FMNL2: variants seen among roughly 807,000 people sequenced by gnomAD.
FMNL2 encodes the protein formin like 2, also known as formin-like protein 2.
In FMNL2, 51 loss-of-function variants were observed where a neutral mutation model predicts 130.2. The observed-to-expected ratio is 0.39, with a 90% CI of 0.31 to 0.49. The LOEUF is 0.49. Ranked by LOEUF, FMNL2 falls within the 20% of genes least tolerant of loss-of-function variation. The probability of loss-of-function intolerance (pLI) is 0.85; values close to 1 mark genes in which losing one functional copy is unlikely to be tolerated. For synonymous variants in FMNL2, 465 were observed against 467.1 expected (o/e 1.00, Z 0.06); for missense variants, 977 against 1,316.2 (o/e 0.74, Z 3.99).
intron 25 of FMNL2, among the ~76,000 whole-genome samples, chr2:152,646,170 A>AC (rs397839035): frequency 2.3e-5 from 3 of 131,892 alleles, no homozygotes; most frequent in African/African-American, 7.8e-5. Context: ...AAAAAAAAAA[A>AC]CAAACAAACA....
rs1698676471 is a variant in FMNL2 at position 152,611,409 on chromosome 2, T to A, written c.952-86T>A. On this transcript the variant is annotated intron_variant, in intron 10 of 25. Coordinates refer to ENST00000288670, the MANE Select transcript of FMNL2 (RefSeq NM_052905.4). ...GAAAAGGAAATCGGTAAGTGAGCCT[T>A]TTTTATGAAATTGAAAGCACATGTC... is the stretch of plus-strand genomic sequence containing the variant. 6 of 669,184 alleles carry A rather than the reference T, an allele frequency of 9.0e-6. No individual in the cohort carries two copies. In the East Asian group the frequency reaches 1.7e-4, roughly 19 times the overall value. The allele number at this position is 669,184 out of a possible 1,614,324, so 41.5% of individuals were successfully genotyped here.
intron 1 of FMNL2, among the ~76,000 whole-genome samples, chr2:152,414,349 C>G (rs1237991651): frequency 6.6e-6 from 1 of 152,118 alleles, no homozygotes; most frequent in Non-Finnish European, 1.5e-5. Context: ...AGTGATGTTA[C>G]CCTTATTTCC....
At chr2:152,646,170 A>C (rs978230839) in intron 25 of FMNL2, among the ~76,000 whole-genome samples, 10 of 131,892 alleles carry the variant, frequency 7.6e-5, no homozygotes, top group African/African-American at 1.6e-4. Context: ...AAAAAAAAAA[A>C]CAAACAAACA....
chr2:152,588,063 G>A (rs1040577217), intron 9 of FMNL2, among the ~76,000 whole-genome samples: 11 of 152,214 alleles, frequency 7.2e-5, no homozygotes, highest in African/African-American at 1.9e-4. Flanking sequence ...TTAACCAGGT[G>A]TATTCCTTTC....
chr2:152,365,739 C>T (rs921819505), intron 1 of FMNL2, among the ~76,000 whole-genome samples: 1 of 152,094 alleles, frequency 6.6e-6, no homozygotes, highest in Non-Finnish European at 1.5e-5. Context: ...CGCCACTGCA[C>T]TCCAGCCTGG....
At chr2:152,563,030 G>A (rs1455973943) in intron 6 of FMNL2, among the ~76,000 whole-genome samples, 1 of 152,116 alleles carries the variant, frequency 6.6e-6, no homozygotes, top group Admixed American at 6.5e-5. Context: ...GAAGAATCGG[G>A]AAAATCTGGG....
chr2:152,578,927 A>G lies in FMNL2; in HGVS notation c.745A>G (p.Asn249Asp). The G allele has an allele frequency of 1.2e-6, 2 of 1,613,602 alleles. No individual in the cohort carries two copies. The highest frequency in any genetic ancestry group is 2.7e-5 in the African/African-American group (2 of 74,998). The change falls in exon 8 of 26, where the codon AAT becomes GAT. Residue 249 changes from asparagine to aspartate, a missense_variant. Coordinates refer to ENST00000288670, the MANE Select transcript of FMNL2 (RefSeq NM_052905.4). ...NMVMSHPHAV[N>D]EIALSLNNKN... ...GGTCATGTCTCATCCACACGCTGTC[A>G]ATGAGATTGCACTAAGCCTGAACAA...
chr2:152,591,173 T>A (rs2105777039), intron 9 of FMNL2, among the ~76,000 whole-genome samples: 2 of 151,874 alleles, frequency 1.3e-5, no homozygotes, highest in Middle Eastern at 6.8e-3. Flanking sequence ...CACGCCTGGC[T>A]AATTTTTTTG....
chr2:152,364,261 G>GTTTTTTTTT (rs869062341), intron 1 of FMNL2, among the ~76,000 whole-genome samples: 10 of 24,460 alleles, frequency 4.1e-4, no homozygotes, highest in African/African-American at 1.0e-3. Flanking sequence ...AGGTTTGTGT[G>GTTTTTTTTT]TTTTTTTTTT....
At chr2:152,510,384 T>A (rs1215624375) in intron 1 of FMNL2, among the ~76,000 whole-genome samples, 1 of 152,168 alleles carries the variant, frequency 6.6e-6, no homozygotes, top group African/African-American at 2.4e-5. Flanking sequence ...TTTGTAAGGA[T>A]AGAAAGAGAA....
At chr2:152,469,276 G>A (rs1172421635) in intron 1 of FMNL2, among the ~76,000 whole-genome samples, 1 of 152,168 alleles carries the variant, frequency 6.6e-6, no homozygotes, top group African/African-American at 2.4e-5. Context: ...AGCTCTTCCT[G>A]ATATCATGTG....
At chr2:152,392,736 A>C (rs545263514) in intron 1 of FMNL2, among the ~76,000 whole-genome samples, 1 of 152,330 alleles carries the variant, frequency 6.6e-6, no homozygotes, top group South Asian at 2.1e-4. Flanking sequence ...TGGAAGGGAC[A>C]CATTCAAACC....
At chr2:152,405,297 G>A (rs934588891) in intron 1 of FMNL2, among the ~76,000 whole-genome samples, 2 of 152,110 alleles carry the variant, frequency 1.3e-5, no homozygotes, top group African/African-American at 4.8e-5. Context: ...CTTCCTTTCT[G>A]GTCTTTTTTG....
intron 1 of FMNL2, among the ~76,000 whole-genome samples, chr2:152,490,469 C>T (rs1691094271): frequency 6.6e-6 from 1 of 151,938 alleles, no homozygotes. Context: ...AAATCTTTGG[C>T]CTCTGAGCTG....
chr2:152,392,698 T>C (rs766368702), intron 1 of FMNL2, among the ~76,000 whole-genome samples: 1 of 152,170 alleles, frequency 6.6e-6, no homozygotes, highest in Non-Finnish European at 1.5e-5. Context: ...CACTTGTAAA[T>C]ACCATCACTT....
At chr2:152,464,024 G>A (rs539609512) in intron 1 of FMNL2, among the ~76,000 whole-genome samples, 8 of 152,240 alleles carry the variant, frequency 5.3e-5, no homozygotes, top group African/African-American at 9.6e-5. Flanking sequence ...CCTCTGACTC[G>A]CAGGTTCAAG....
intron 1 of FMNL2, among the ~76,000 whole-genome samples, chr2:152,419,867 C>G (rs1686819275): frequency 6.6e-6 from 1 of 151,998 alleles, no homozygotes; most frequent in Non-Finnish European, 1.5e-5. Context: ...GGGAGAGACT[C>G]CGATTGTAAC....
chr2:152,618,075 G>A (rs1026222720), intron 13 of FMNL2, among the ~76,000 whole-genome samples: 3 of 152,130 alleles, frequency 2.0e-5, no homozygotes, highest in African/African-American at 4.8e-5. Flanking sequence ...GTGAGAGATC[G>A]CTTGTACAAG....
At chr2:152,546,129 G>A (rs924191785) in intron 3 of FMNL2, among the ~76,000 whole-genome samples, 22 of 152,144 alleles carry the variant, frequency 1.4e-4, no homozygotes, top group African/African-American at 5.3e-4. Flanking sequence ...TGTGCCTGAT[G>A]GCATACGTAA....
Sources: allele counts gnomAD v4.1 joint callset (sites outside exome capture counted in the v4.1 genomes callset), GRCh38; gene constraint gnomAD v4.1.1; transcripts MANE v1.5; gene names NCBI Gene and HGNC (gene_info 2026-07-23, HGNC 2026-07-21).